The following SLC9A9 variants were observed in gnomAD, a reference collection of about 807,000 sequenced individuals.
SLC9A9 encodes solute carrier family 9 member A9.
SLC9A9 carries 62 observed loss-of-function variants against 77.8 expected under a neutral mutation model. That is an observed-to-expected ratio of 0.80 (90% CI 0.65 to 0.98). The LOEUF (loss-of-function observed/expected upper bound fraction) is 0.98, where lower values mean the gene tolerates loss of function less well. Among genes scored for constraint, SLC9A9 ranks in the 50% least tolerant of loss-of-function variants. The pLI is 0.00. For missense variants in SLC9A9, 775 were observed against 774.9 expected, an observed-to-expected ratio of 1.00 and a Z score of 0.00; for synonymous variants, 320 against 283.5, an observed-to-expected ratio of 1.13 and a Z score of -1.29.
chr3:143,646,538 T>A (rs1387202448), intron 6 of SLC9A9, among the ~76,000 whole-genome samples: 1 of 151,652 alleles, frequency 6.6e-6, no homozygotes, highest in Non-Finnish European at 1.5e-5. Context: ...ATATATTTTT[T>A]CTTTATTATT....
chr3:143,500,757 A>G (rs556123187), intron 9 of SLC9A9, among the ~76,000 whole-genome samples: 2 of 142,912 alleles, frequency 1.4e-5, no homozygotes, highest in Admixed American at 1.3e-4. Flanking sequence ...GTTATAGTAT[A>G]TATAAGATAC....
intron 12 of SLC9A9, among the ~76,000 whole-genome samples, chr3:143,462,489 A>G (rs774637773): frequency 1.8e-4 from 27 of 152,210 alleles, no homozygotes; most frequent in African/African-American, 6.3e-4. Flanking sequence ...GGCTGACGGC[A>G]GGATAGTTTG....
chr3:143,698,260 C>T (rs1933697575), intron 4 of SLC9A9: 1 of 153,688 alleles, frequency 6.5e-6, no homozygotes, highest in African/African-American at 2.4e-5. Context: ...GCCTGGGTTA[C>T]AGGGGTGGAC....
chr3:143,790,529 A>C (rs2008188316), intron 4 of SLC9A9, among the ~76,000 whole-genome samples: 1 of 152,212 alleles, frequency 6.6e-6, no homozygotes, highest in Admixed American at 6.5e-5. Context: ...CATTTCATGC[A>C]ATACTGCAGG....
At chr3:143,380,098 C>T (rs1185690111) in intron 13 of SLC9A9, among the ~76,000 whole-genome samples, 1 of 151,972 alleles carries the variant, frequency 6.6e-6, no homozygotes, top group Non-Finnish European at 1.5e-5. Flanking sequence ...AAACTGAGAC[C>T]CAAAGGTGTA....
At position 143,398,687 on chromosome 3, in the gene SLC9A9, C is replaced by T. The variant is rs1404829480; in HGVS notation, c.1470-16573G>A. Among the ~76,000 whole-genome samples the T allele has an allele frequency of 2.0e-5, 3 of 152,002 alleles. No homozygotes were observed. The East Asian group carries it at 5.8e-4, about 29-fold the overall frequency. On this transcript the variant is annotated intron_variant, in intron 12 of 15. Coordinates refer to ENST00000316549, the MANE Select transcript of SLC9A9 (RefSeq NM_173653.4). ...TCTGTTGCTTCAGGCTATCTATCAC[C>T]AACATCCAGCAGACAGTACAGAATT...
chr3:143,834,482 G>A (rs189598408), intron 1 of SLC9A9, among the ~76,000 whole-genome samples: 109 of 151,376 alleles, frequency 7.2e-4, no homozygotes, highest in African/African-American at 2.5e-3. Flanking sequence ...CTTCTACAAA[G>A]ACGGGAAGCA....
intron 4 of SLC9A9, among the ~76,000 whole-genome samples, chr3:143,734,518 G>A (rs922200706): frequency 3.3e-5 from 5 of 151,978 alleles, no homozygotes; most frequent in Admixed American, 6.5e-5. Context: ...GGCGGATCAC[G>A]AGGTCAGGAG....
At chr3:143,762,884 G>A (rs1026319429) in intron 4 of SLC9A9, among the ~76,000 whole-genome samples, 1 of 152,124 alleles carries the variant, frequency 6.6e-6, no homozygotes, top group Non-Finnish European at 1.5e-5. Context: ...AACCTTAGAA[G>A]TTAAGCTTTT....
At chr3:143,724,482 C>T (rs1576683442) in intron 4 of SLC9A9, among the ~76,000 whole-genome samples, 1 of 152,142 alleles carries the variant, frequency 6.6e-6, no homozygotes, top group South Asian at 2.1e-4. Flanking sequence ...CATTTCATTC[C>T]CTGTTTGAGT....
At chr3:143,535,994 T>C (rs147871672) in intron 9 of SLC9A9, among the ~76,000 whole-genome samples, 103 of 152,280 alleles carry the variant, frequency 6.8e-4, no homozygotes, top group African/African-American at 2.4e-3. Flanking sequence ...TACTACTCAT[T>C]GGGGCGCCAA....
chr3:143,576,517 C>A (rs1288767316), intron 7 of SLC9A9, among the ~76,000 whole-genome samples: 1 of 152,132 alleles, frequency 6.6e-6, no homozygotes, highest in Non-Finnish European at 1.5e-5. Flanking sequence ...AAGGCTCTGG[C>A]ACATGCTAGA....
In SLC9A9 at chr3:143,725,088, T is replaced by C. The variant is rs149112149; in HGVS notation, c.534-31781A>G. On this transcript the variant is annotated intron_variant, in intron 4 of 15. Coordinates refer to ENST00000316549, the MANE Select transcript of SLC9A9 (RefSeq NM_173653.4). ...ACTTGAGTATATCACTATTTTTCTG[T>C]TGAATTTCTTCAGTGTTCATTTTTT... Among the ~76,000 whole-genome samples, 75 of 152,322 alleles carry C rather than the reference T, an allele frequency of 4.9e-4. No individual in the cohort carries two copies. The East Asian group carries it at 0.014, about 28-fold the overall frequency.
intron 4 of SLC9A9, among the ~76,000 whole-genome samples, chr3:143,744,541 A>T (rs1935159980): frequency 6.6e-6 from 1 of 152,140 alleles, no homozygotes. Context: ...ATCGCTACTC[A>T]GCAGCCTGCC....
intron 2 of SLC9A9, among the ~76,000 whole-genome samples, chr3:143,799,519 A>G (rs1434203333): frequency 1.3e-5 from 2 of 152,228 alleles, no homozygotes; most frequent in African/African-American, 4.8e-5. Flanking sequence ...CCCAGCTGCC[A>G]GGGGTTCTTC....
At chr3:143,685,300 C>T (rs971214978) in intron 5 of SLC9A9, among the ~76,000 whole-genome samples, 1 of 151,738 alleles carries the variant, frequency 6.6e-6, no homozygotes, top group Admixed American at 6.6e-5. Flanking sequence ...ACTTGCAGCC[C>T]ATATCAATCT....
chr3:143,267,963 A>G (rs1322503576), intron 15 of SLC9A9, among the ~76,000 whole-genome samples: 3 of 152,160 alleles, frequency 2.0e-5, no homozygotes, highest in Non-Finnish European at 4.4e-5. Flanking sequence ...AATACAGATC[A>G]TCGTTCAAGC....
At chr3:143,619,034 G>C (rs1057371760) in intron 6 of SLC9A9, among the ~76,000 whole-genome samples, 3 of 152,148 alleles carry the variant, frequency 2.0e-5, no homozygotes, top group African/African-American at 7.2e-5. Flanking sequence ...TTACAGAAGA[G>C]AAAGAATTGT....
At chr3:143,367,579 G>A (rs1029346422) in intron 13 of SLC9A9, among the ~76,000 whole-genome samples, 1 of 152,174 alleles carries the variant, frequency 6.6e-6, no homozygotes, top group African/African-American at 2.4e-5. Flanking sequence ...ACTGAGGGTT[G>A]AAGATAAATG....
Sources: allele counts gnomAD v4.1 joint callset (sites outside exome capture counted in the v4.1 genomes callset), GRCh38; gene constraint gnomAD v4.1.1; transcripts MANE v1.5; gene names NCBI Gene and HGNC (gene_info 2026-07-23, HGNC 2026-07-21).